Variants in ANKMY1 observed in about 807,000 individuals in gnomAD.
ANKMY1 encodes ankyrin repeat and MYND domain containing 1.
ANKMY1 carries 98 observed loss-of-function variants against 102.0 expected under a neutral mutation model. That is an observed-to-expected ratio of 0.96 (90% confidence interval 0.82 to 1.14). The LOEUF (loss-of-function observed/expected upper bound fraction) is 1.14, where lower values mean the gene tolerates loss of function less well. Ranked by LOEUF, ANKMY1 falls within the 50% of genes most tolerant of loss-of-function variation. The probability of loss-of-function intolerance (pLI) is 0.00; values close to 1 mark genes in which losing one functional copy is unlikely to be tolerated. For missense variants in ANKMY1, 1,330 were observed against 1,347.6 expected (o/e 0.99, Z 0.20); for synonymous variants, 582 against 559.9 (o/e 1.04, Z -0.56).
In ANKMY1 at chr2:240,512,951, G is replaced by C. The variant is rs1363004683; in HGVS notation, c.2005-9C>G. Reference sequence around the variant, plus strand: ...GGTGTCAGGGTGCTCAGCTGCAGAGGAAACACCGGGGCGGGCAGTGAGGCA... The same window carrying C: ...GGTGTCAGGGTGCTCAGCTGCAGAGCAAACACCGGGGCGGGCAGTGAGGCA... On this transcript the variant is annotated splice_polypyrimidine_tract_variant and intron_variant, in intron 9 of 17. Coordinates refer to ENST00000401804, the MANE Select transcript of ANKMY1 (RefSeq NM_001282771.3). 1 of 1,610,182 alleles carries C rather than the reference G, an allele frequency of 6.2e-7. No individual in the cohort carries two copies. The highest frequency in any genetic ancestry group is 1.1e-5 in the South Asian group (1 of 90,628).
In ANKMY1 at chr2:240,529,188, G is replaced by T. The variant is rs72998048; in HGVS notation, c.802C>A (p.His268Asn). 5.1e-3 allele frequency: 8,296 copies of T among 1,614,174 alleles called. 27 individuals carry two copies. The highest frequency in any genetic ancestry group is 6.5e-3 in the Non-Finnish European group (7,665 of 1,180,034). Reference protein sequence around the residue: ...EMYVYSTNSDHLPMTSSFRKE... With the variant: ...EMYVYSTNSDNLPMTSSFRKE... Reference sequence around the variant, plus strand: ...CGGAAAGAGCTTGTCATGGGCAGGTGGTCACTGTTGGTCGAGTAGACATAC... The same window carrying T: ...CGGAAAGAGCTTGTCATGGGCAGGTTGTCACTGTTGGTCGAGTAGACATAC... Residue 268 changes from histidine (H) to asparagine (N), a missense_variant, in exon 5 of 18, where the codon CAC (histidine) becomes AAC (asparagine). Coordinates refer to ENST00000401804, the MANE Select transcript of ANKMY1 (RefSeq NM_001282771.3). This position sits in a 1 kb window ranked among gnomAD's most constrained non-coding sequence, Gnocchi z 4.2.
At chr2:240,521,707 C>G (rs769706711) in intron 8 of ANKMY1, among the ~76,000 whole-genome samples, 79 of 151,960 alleles carry the variant, frequency 5.2e-4, no homozygotes, top group Admixed American at 1.2e-3. Context: ...ACCGTGTTAG[C>G]CAGGATGGTC....
chr2:240,527,430 T>TA (rs1276549373), intron 5 of ANKMY1: 1 of 152,604 alleles, frequency 6.6e-6, no homozygotes, highest in Non-Finnish European at 1.5e-5. Flanking sequence ...AATGAGTAGG[T>TA]AGATGGGTAG....
chr2:240,524,138 C>T lies in ANKMY1; in HGVS notation c.1579G>A (p.Val527Met). 1 of 1,614,080 alleles carries T rather than the reference C, an allele frequency of 6.2e-7. No homozygotes were observed. The highest frequency in any genetic ancestry group is 8.5e-7 in the Non-Finnish European group (1 of 1,180,042). ...TCCACATGGCCAAGGCTGCCCTTCA[C>T]CAACGGGGAGTCCCCCTTCAGAGAG... ...SSSLKGDSPL[V>M]KGSLGHVESG... Residue 527 changes from valine to methionine, a missense_variant, in exon 8 of 18, where the codon GTG becomes ATG. Transcript: ENST00000401804.
At chr2:240,504,816 G>T (rs892992750) in intron 13 of ANKMY1, among the ~76,000 whole-genome samples, 6 of 152,016 alleles carry the variant, frequency 3.9e-5, no homozygotes, top group Admixed American at 3.9e-4. Context: ...AGACCAGCCT[G>T]GCCAACATGG....
In ANKMY1 at chr2:240,524,183, A is replaced by C. The variant is rs766392162; in HGVS notation, c.1534T>G (p.Ser512Ala). ...HFQDTGQCGG[S>A]IDHRSSSLKG... Reference sequence around the variant, plus strand: ...AGAGAGCTGCTCCTGTGGTCTATGGACCCCCCACACTGCCCGGTGTCCTGG... The same window carrying C: ...AGAGAGCTGCTCCTGTGGTCTATGGCCCCCCCACACTGCCCGGTGTCCTGG... The change falls in exon 8 of 18, where the codon TCC becomes GCC. Residue 512 changes from serine (S) to alanine (A), a missense_variant. Physicochemically the swap from Ser to Ala is moderately conservative, Grantham distance 99 (BLOSUM62 1). Transcript: ENST00000401804. 1 of 1,613,330 alleles carries C rather than the reference A, an allele frequency of 6.2e-7. No homozygotes were observed. Among genetic ancestry groups the C allele is most frequent in the Non-Finnish European group, 8.5e-7 (1 of 1,179,936 alleles).
At chr2:240,533,720 C>CACAG (rs1410406636) in intron 4 of ANKMY1, among the ~76,000 whole-genome samples, 1 of 30,504 alleles carries the variant, frequency 3.3e-5, no homozygotes, top group Non-Finnish European at 7.3e-5. Flanking sequence ...TTTCAATAAA[C>CACAG]ACACACACAC....
chr2:240,517,563 A>C (rs2081401810), intron 9 of ANKMY1, among the ~76,000 whole-genome samples: 1 of 152,220 alleles, frequency 6.6e-6, no homozygotes, highest in Admixed American at 6.5e-5. Context: ...TAACCCTAGC[A>C]CTTCGGGAGG....
chr2:240,471,049 C>T, the ANKMY1 span, among the ~76,000 whole-genome samples: 2 of 151,842 alleles, frequency 1.3e-5, no homozygotes, highest in South Asian at 2.1e-4. Flanking sequence ...CGCAAAGAAA[C>T]GAAGTTCTCC....
At chr2:240,525,325 A>G (rs1045728262) in intron 7 of ANKMY1, among the ~76,000 whole-genome samples, 15 of 152,248 alleles carry the variant, frequency 9.9e-5, no homozygotes, top group Non-Finnish European at 2.1e-4. Context: ...TGGTGTTTCA[A>G]TAACATCGGT....
rs966335175 is a variant in ANKMY1, at chr2:240,557,197, C to T, written c.139G>A (p.Ala47Thr). The T allele has an allele frequency of 1.3e-6, 2 of 1,535,866 alleles. No homozygotes were observed. The highest frequency in any genetic ancestry group is 1.8e-6 in the Non-Finnish European group (2 of 1,136,130). Residue 47 changes from alanine to threonine, a missense_variant, in exon 2 of 18, where the codon GCC becomes ACC. Coordinates refer to ENST00000401804, the MANE Select transcript of ANKMY1 (RefSeq NM_001282771.3). Reference protein sequence around the residue: ...PGSLKNYAVFATRDVSAAPEK... With the variant: ...PGSLKNYAVFTTRDVSAAPEK... The stretch of plus-strand genomic sequence containing the variant: ...CTGGAGGGTCCCCCGCACCTTGTGG[C>T]GAAGACAGCGTAGTTCTTCAGGGAC...
intron 13 of ANKMY1, among the ~76,000 whole-genome samples, chr2:240,505,605 A>T (rs2078940656): frequency 6.6e-6 from 1 of 152,154 alleles, no homozygotes; most frequent in African/African-American, 2.4e-5. Context: ...GGAGACAGAG[A>T]CAGAGACAGA....
intron 13 of ANKMY1, among the ~76,000 whole-genome samples, chr2:240,502,790 G>A (rs1195654768): frequency 3.5e-5 from 5 of 144,678 alleles, no homozygotes; most frequent in African/African-American, 5.2e-5. Context: ...CACTGCATCC[G>A]CCCCTCACTC....
chr2:240,537,041 C>T (rs888057409), intron 4 of ANKMY1, among the ~76,000 whole-genome samples: 6 of 150,750 alleles, frequency 4.0e-5, no homozygotes, highest in African/African-American at 7.3e-5. Flanking sequence ...TCACTTTCAA[C>T]GAAAAAGAAA....
intron 15 of ANKMY1, among the ~76,000 whole-genome samples, chr2:240,497,528 G>A (rs190042526): frequency 6.6e-6 from 1 of 152,232 alleles, no homozygotes; most frequent in South Asian, 2.1e-4. Context: ...TTGAATAAAT[G>A]TTTCTTTGTA....
the ANKMY1 span, among the ~76,000 whole-genome samples, chr2:240,470,187 A>T: frequency 3.3e-5 from 5 of 152,254 alleles, no homozygotes; most frequent in African/African-American, 1.2e-4. Context: ...AGTTTGGGAC[A>T]GACGACTAAC....
chr2:240,485,725 G>T (rs561672587), intron 15 of ANKMY1, among the ~76,000 whole-genome samples: 2 of 151,922 alleles, frequency 1.3e-5, no homozygotes, highest in African/African-American at 4.8e-5. Flanking sequence ...GAGTAACTGC[G>T]ACTACAGGCC....
intron 4 of ANKMY1, among the ~76,000 whole-genome samples, chr2:240,540,929 G>A (rs181082798): frequency 1.6e-4 from 24 of 152,322 alleles, no homozygotes; most frequent in Middle Eastern, 3.4e-3. Context: ...CCCCAGAAGC[G>A]TTCCTGATTG....
At chr2:240,557,082 A>G in intron 2 of ANKMY1, 108 bp downstream of exon 2, 1 of 1,209,818 alleles carries the variant, frequency 8.3e-7, no homozygotes, top group Non-Finnish European at 1.1e-6. Flanking sequence ...CTAGTTTCTC[A>G]GGGAGTAACA....
Sources: gnomAD v4.1 joint callset for allele counts (sites outside exome capture counted in the v4.1 genomes callset) on GRCh38, gnomAD v4.1.1 for gene constraint, Gnocchi (gnomAD v3.1) non-coding constraint, MANE v1.5 for transcripts, NCBI Gene and HGNC (gene_info 2026-07-23, HGNC 2026-07-21) for gene names.